The following WAPL variants were observed in gnomAD, a reference collection of about 807,000 sequenced individuals.
The protein encoded by WAPL is WAPL cohesin release factor, also known as wings apart-like protein homolog.
Under a neutral mutation model 121.0 loss-of-function variants are expected in WAPL, and 5 were observed. That is an observed-to-expected ratio of 0.04 (90% CI 0.02 to 0.09). The LOEUF is 0.09. Ranked by LOEUF, WAPL falls within the 10% of genes least tolerant of loss-of-function variation. The pLI is 1.00. For synonymous variants in WAPL, 480 were observed against 481.5 expected (o/e 1.00, Z 0.04); for missense variants, 999 against 1,410.8 (o/e 0.71, Z 4.68).
rs188318571 is a variant in WAPL, at chr10:86,517,397, A to C, written c.499+174T>G. 1.1e-4 allele frequency among the ~76,000 whole-genome samples: 17 copies of C among 152,332 alleles called. No homozygotes were observed. The East Asian group carries it at 2.9e-3, about 26-fold the overall frequency. ...TGTTAACATCCAAGTTGTTTATTTC[A>C]ACCTCCAACTGGTTTCTTTAAAGTT... On this transcript the variant is annotated intron_variant, in intron 2 of 18. Transcript: ENST00000298767.
chr10:86,483,144 G>A (rs1365832094), intron 4 of WAPL, among the ~76,000 whole-genome samples: 16 of 152,200 alleles, frequency 1.1e-4, no homozygotes, highest in Admixed American at 8.5e-4. Context: ...ATACATGCCA[G>A]GTGCGGTGGC....
At chr10:86,486,900 G>C (rs746165479) in intron 4 of WAPL, among the ~76,000 whole-genome samples, 1 of 152,116 alleles carries the variant, frequency 6.6e-6, no homozygotes, top group Non-Finnish European at 1.5e-5. Context: ...AGGCTGCAGT[G>C]AGACATGATC....
In WAPL at chr10:86,453,728, G is replaced by C; in HGVS notation, c.2761C>G (p.His921Asp). ...KPLPHQNVTN[H>D]VGKAVEDCMR... ...CAGTCCTCCACTGCTTTGCCTACAT[G>C]GTTAGTTACATTCTGGTGAGGCAGA... The change falls in exon 13 of 19, where the codon CAT (histidine) becomes GAT (aspartate). Residue 921 changes from histidine to aspartate, a missense_variant. Coordinates refer to ENST00000298767, the MANE Select transcript of WAPL (RefSeq NM_015045.5). 6.2e-7 allele frequency: 1 copy of C among 1,614,102 alleles called. No homozygotes were observed. Among genetic ancestry groups the C allele is most frequent in the Non-Finnish European group, 8.5e-7 (1 of 1,180,006 alleles).
At chr10:86,515,333 C>T (rs1229159445) in intron 2 of WAPL, among the ~76,000 whole-genome samples, 1 of 151,694 alleles carries the variant, frequency 6.6e-6, no homozygotes, top group African/African-American at 2.4e-5. Context: ...TTCGCAGAGC[C>T]TTGTACAGTG....
intron 2 of WAPL, among the ~76,000 whole-genome samples, chr10:86,507,936 T>C (rs1842383733): frequency 6.6e-6 from 1 of 152,194 alleles, no homozygotes; most frequent in Non-Finnish European, 1.5e-5. Flanking sequence ...CTTGCTTCTC[T>C]ATCTCTTCAT....
At chr10:86,461,153 C>T (rs1388246119) in intron 10 of WAPL, 23 bp downstream of exon 10, 4 of 1,539,360 alleles carry the variant, frequency 2.6e-6, no homozygotes, top group Non-Finnish European at 3.6e-6. Flanking sequence ...TATATAAAAA[C>T]ATTCTAAATG....
intron 9 of WAPL, among the ~76,000 whole-genome samples, chr10:86,465,443 T>C (rs551000485): frequency 6.6e-6 from 1 of 152,298 alleles, no homozygotes; most frequent in Non-Finnish European, 1.5e-5. Flanking sequence ...TGGTCTCAGG[T>C]GATCCACCCA....
At chr10:86,466,986 C>A in intron 9 of WAPL, 1 of 309,762 alleles carries the variant, frequency 3.2e-6, no homozygotes, top group Non-Finnish European at 6.1e-6. Context: ...TAGGCATGAA[C>A]CACTGTGCCC....
In WAPL at chr10:86,471,087, T is replaced by A; in HGVS notation, c.2047A>T (p.Thr683Ser). 1 of 1,613,786 alleles carries A rather than the reference T, an allele frequency of 6.2e-7. No homozygotes were observed. The change falls in exon 8 of 19, where the codon ACT (threonine) becomes TCT (serine). Residue 683 changes from threonine to serine, a missense_variant. This residue lies in a region of WAPL where 118 missense variants were observed against 318.3 expected (regional missense o/e 0.37). Coordinates refer to ENST00000298767, the MANE Select transcript of WAPL (RefSeq NM_015045.5). ...TRCLSVISLA[T>S]KCAMPSFRMH... ...CGAAAACTGGGCATGGCACATTTAG[T>A]AGCCAAGCTAATAACACTACAAGAA...
chr10:86,487,501 T>A (rs936856609), intron 4 of WAPL, among the ~76,000 whole-genome samples: 5 of 152,186 alleles, frequency 3.3e-5, no homozygotes, highest in African/African-American at 4.8e-5. Context: ...TTCACCCTCA[T>A]CTTCTTTCTG....
Position 86,476,463 on chromosome 10 carries a change from C to T in WAPL, c.1645-2490G>A, listed in dbSNP as rs566234084. On this transcript the variant is annotated intron_variant, in intron 4 of 18. Transcript: ENST00000298767. ...CAGCACTTTGGGAGGCCAAGGCAGG[C>T]GGATCGACTGAGGTCAGGAGTTTGA... 1.4e-4 allele frequency among the ~76,000 whole-genome samples: 22 copies of T among 151,860 alleles called. No individual in the cohort carries two copies. In the South Asian group the frequency reaches 3.3e-3, roughly 23 times the overall value.
intron 12 of WAPL, among the ~76,000 whole-genome samples, chr10:86,454,235 T>C (rs1274090075): frequency 1.3e-5 from 2 of 152,258 alleles, no homozygotes; most frequent in African/African-American, 4.8e-5. Context: ...AGCAAATCAT[T>C]ATTTTTATTA....
chr10:86,504,630 C>T (rs574145522), intron 2 of WAPL, among the ~76,000 whole-genome samples: 1 of 150,046 alleles, frequency 6.7e-6, no homozygotes, highest in East Asian at 2.0e-4. Flanking sequence ...TGAGCCCCGT[C>T]GACAGAGCGA....
chr10:86,465,254 G>A (rs1054877333), intron 9 of WAPL, among the ~76,000 whole-genome samples: 4 of 152,036 alleles, frequency 2.6e-5, no homozygotes, highest in Non-Finnish European at 5.9e-5. Context: ...GTGCAGTGGC[G>A]CCAATCTCGG....
chr10:86,461,298 G>A lies in WAPL; in HGVS notation c.2371-11C>T, dbSNP rs199895944. 7 of 1,588,374 alleles carry A rather than the reference G, an allele frequency of 4.4e-6. No individual in the cohort carries two copies. In the East Asian group the frequency reaches 1.6e-4, roughly 36 times the overall value. ...AGCTAAATGCCCAGTCTAAAAACCA[G>A]AAGCATCATTAATGAATATCAACTT... is the stretch of plus-strand genomic sequence containing the variant. On this transcript the variant is annotated splice_polypyrimidine_tract_variant and intron_variant, in intron 9 of 18. Coordinates refer to ENST00000298767, the MANE Select transcript of WAPL (RefSeq NM_015045.5).
chr10:86,446,490 C>G, intron 15 of WAPL, 41 bp from the exon 16 acceptor site: 1 of 1,578,742 alleles, frequency 6.3e-7, no homozygotes, highest in Non-Finnish European at 8.6e-7. Context: ...AAAGAGATTG[C>G]CAATCAATAT....
At chr10:86,481,404 G>A (rs1246835420) in intron 4 of WAPL, among the ~76,000 whole-genome samples, 4 of 151,862 alleles carry the variant, frequency 2.6e-5, no homozygotes, top group African/African-American at 9.7e-5. Flanking sequence ...ACAGCGTTTC[G>A]CTCTTGTTGC....
At chr10:86,467,615 C>T (rs891317925) in intron 8 of WAPL, 109 bp from the exon 9 acceptor site, 1 of 780,064 alleles carries the variant, frequency 1.3e-6, no homozygotes, top group South Asian at 2.1e-5. Context: ...ATGCTTAAAA[C>T]TTATATTACT....
intron 11 of WAPL, among the ~76,000 whole-genome samples, chr10:86,459,416 A>T (rs1841220797): frequency 6.6e-6 from 1 of 152,260 alleles, no homozygotes; most frequent in Non-Finnish European, 1.5e-5. Context: ...TTTTACAAAG[A>T]AGTATCTGTT....
Sources: allele counts gnomAD v4.1 joint callset (sites outside exome capture counted in the v4.1 genomes callset), GRCh38; gene constraint gnomAD v4.1.1; regional missense constraint gnomAD v4.1.1; transcripts MANE v1.5; gene names NCBI Gene and HGNC (gene_info 2026-07-23, HGNC 2026-07-21).